TBC1D14: variants seen among roughly 807,000 people sequenced by gnomAD.
TBC1D14 encodes TBC1 domain family, member 14.
A neutral mutation model predicts 79.0 loss-of-function variants in TBC1D14; 26 were observed. The observed-to-expected ratio is 0.33, with a 90% CI of 0.24 to 0.46. The LOEUF is 0.46. TBC1D14 is among the 20% of genes least tolerant of loss of function. TBC1D14 has a pLI of 1.00. For synonymous variants in TBC1D14, 394 were observed against 349.9 expected (o/e 1.13, Z -1.40); for missense variants, 769 against 887.6 (o/e 0.87, Z 1.70).
intron 3 of TBC1D14, among the ~76,000 whole-genome samples, chr4:6,973,924 A>G (rs1320877465): frequency 6.6e-6 from 1 of 152,104 alleles, no homozygotes; most frequent in Admixed American, 6.5e-5. Flanking sequence ...CCTGGGTTCA[A>G]GTGATTCTCC....
chr4:6,911,719 G>A (rs900008882), intron 1 of TBC1D14, among the ~76,000 whole-genome samples: 1 of 152,122 alleles, frequency 6.6e-6, no homozygotes, highest in Non-Finnish European at 1.5e-5. Flanking sequence ...GCTATAGAAG[G>A]CCTCTCTCAA....
chr4:6,949,914 A>G (rs1442018565), intron 2 of TBC1D14, among the ~76,000 whole-genome samples: 1 of 151,802 alleles, frequency 6.6e-6, no homozygotes, highest in Non-Finnish European at 1.5e-5. Flanking sequence ...TTTTTATTTT[A>G]CTTTAAGTTC....
Position 6,924,115 on chromosome 4 carries a change from A to G in TBC1D14, c.722+4A>G, listed in dbSNP as rs1233461678. 3 of 1,609,026 alleles carry G rather than the reference A, an allele frequency of 1.9e-6. No homozygotes were observed. Among genetic ancestry groups the G allele is most frequent in the Non-Finnish European group, 1.7e-6 (2 of 1,177,430 alleles). ...CATTTAGTAACTTCTTTGCAAGGTA[A>G]TGCCATCTTTGCCCTCTAGAAGATC... On this transcript the variant is annotated splice_donor_region_variant and intron_variant, in intron 2 of 13. Transcript: ENST00000409757.
chr4:7,013,397 C>T (rs187421898), intron 11 of TBC1D14, among the ~76,000 whole-genome samples: 82 of 152,376 alleles, frequency 5.4e-4, no homozygotes, highest in East Asian at 1.7e-3. Context: ...ACACCAGAGT[C>T]GTGATCTGCC....
At chr4:7,021,388 A>T (rs756241249) in intron 12 of TBC1D14, among the ~76,000 whole-genome samples, 4 of 152,200 alleles carry the variant, frequency 2.6e-5, no homozygotes, top group Non-Finnish European at 4.4e-5. Flanking sequence ...ATTTTAGCCC[A>T]GGAGTTCAAG....
intron 12 of TBC1D14, among the ~76,000 whole-genome samples, chr4:7,023,797 G>C (rs892325634): frequency 6.6e-6 from 1 of 152,218 alleles, no homozygotes; most frequent in Non-Finnish European, 1.5e-5. Flanking sequence ...ATTTCTTGAT[G>C]CATGGGGTGT....
intron 3 of TBC1D14, among the ~76,000 whole-genome samples, chr4:6,988,125 A>G (rs1718073846): frequency 6.6e-6 from 1 of 152,158 alleles, no homozygotes; most frequent in African/African-American, 2.4e-5. Context: ...TTCCCCCTCA[A>G]AATGGCAAAA....
chr4:7,020,558 T>C (rs75906154), intron 12 of TBC1D14, among the ~76,000 whole-genome samples: 2,320 of 152,264 alleles, frequency 0.015, 62 homozygotes, highest in African/African-American at 0.053. Context: ...CAGCTAGAAA[T>C]TGGTAATGTT....
At position 7,014,575 on chromosome 4, in the gene TBC1D14, C is replaced by T. The variant is rs750245492; in HGVS notation, c.1757+18C>T. 6.5e-7 allele frequency: 1 copy of T among 1,541,054 alleles called. No individual in the cohort carries two copies. The highest frequency in any genetic ancestry group is 9.0e-7 in the Non-Finnish European group (1 of 1,114,832). ...ATTGATTGGTAAGACTGGCTTTTCC[C>T]TGTGTTTTCAGAGCATTTCTCAGCC... On this transcript the variant is annotated intron_variant, in intron 12 of 13. Coordinates refer to ENST00000409757, the MANE Select transcript of TBC1D14 (RefSeq NM_020773.3).
chr4:6,953,457 T>TCAA (rs1553858655), intron 2 of TBC1D14, among the ~76,000 whole-genome samples: 2 of 114,126 alleles, frequency 1.8e-5, no homozygotes, highest in Admixed American at 1.8e-4. Context: ...CCGTCTCTAC[T>TCAA]AAAAAAAAAA....
chr4:7,018,646 C>T (rs1276374335), intron 12 of TBC1D14, among the ~76,000 whole-genome samples: 1 of 152,178 alleles, frequency 6.6e-6, no homozygotes, highest in Non-Finnish European at 1.5e-5. Flanking sequence ...CATGAGGAGT[C>T]AGGGCTGAGG....
At chr4:6,942,727 C>T (rs771964470) in intron 2 of TBC1D14, among the ~76,000 whole-genome samples, 1 of 152,120 alleles carries the variant, frequency 6.6e-6, no homozygotes, top group Admixed American at 6.6e-5. Context: ...TCCCCGCCCC[C>T]ACATCCTGCA....
chr4:6,989,217 C>G (rs976224018), intron 3 of TBC1D14, among the ~76,000 whole-genome samples: 1 of 152,134 alleles, frequency 6.6e-6, no homozygotes, highest in African/African-American at 2.4e-5. Flanking sequence ...GAATGTAGAC[C>G]CTGCCCCTGG....
At chr4:6,955,625 A>G (rs1714560304) in intron 2 of TBC1D14, among the ~76,000 whole-genome samples, 1 of 152,218 alleles carries the variant, frequency 6.6e-6, no homozygotes, top group African/African-American at 2.4e-5. Context: ...GTTTCTGTTA[A>G]TGAGACAAAG....
chr4:7,003,876 C>T (rs1479954877), intron 7 of TBC1D14, among the ~76,000 whole-genome samples: 1 of 152,082 alleles, frequency 6.6e-6, no homozygotes, highest in Non-Finnish European at 1.5e-5. Flanking sequence ...CGGTGGCGTG[C>T]ACCTGTAATC....
chr4:6,923,269 G>T, intron 1 of TBC1D14, 104 bp from the exon 2 acceptor site: 4 of 1,329,182 alleles, frequency 3.0e-6, no homozygotes, highest in Non-Finnish European at 4.1e-6. Flanking sequence ...CCTTTTCAAG[G>T]CTTTCTCCCT....
intron 2 of TBC1D14, among the ~76,000 whole-genome samples, chr4:6,950,392 C>A (rs1268877545): frequency 6.6e-6 from 1 of 152,164 alleles, no homozygotes; most frequent in Non-Finnish European, 1.5e-5. Context: ...TCAACTCTTA[C>A]ACCTTTCATT....
intron 2 of TBC1D14, chr4:6,954,108 C>T (rs1274468237): frequency 1.7e-5 from 10 of 592,298 alleles, no homozygotes; most frequent in South Asian, 8.0e-5. Flanking sequence ...TGGGGAGGCC[C>T]GCCCTGCCGC....
At chr4:6,910,865 C>T (rs891880384) in intron 1 of TBC1D14, among the ~76,000 whole-genome samples, 4 of 152,104 alleles carry the variant, frequency 2.6e-5, no homozygotes, top group Admixed American at 6.6e-5. Context: ...TGCGTTTTGC[C>T]CCTACTGGAG....
Sources: allele counts gnomAD v4.1 joint callset (sites outside exome capture counted in the v4.1 genomes callset), GRCh38; gene constraint gnomAD v4.1.1; transcripts MANE v1.5; gene names NCBI Gene and HGNC (gene_info 2026-07-23, HGNC 2026-07-21).